Variants in RBFOX3 observed in about 807,000 individuals in gnomAD.
The protein encoded by RBFOX3 is RNA binding protein fox-1 homolog 3.
A neutral mutation model predicts 48.7 loss-of-function variants in RBFOX3; 17 were observed. That is an observed-to-expected ratio of 0.35 (90% CI 0.24 to 0.52). The LOEUF is 0.52. RBFOX3 is among the 20% of genes least tolerant of loss of function. The pLI, the probability that RBFOX3 is intolerant of heterozygous loss-of-function variation, is 0.94. For missense variants in RBFOX3, 382 were observed against 497.5 expected, an observed-to-expected ratio of 0.77 and a Z score of 2.21; for synonymous variants, 212 against 209.5, an observed-to-expected ratio of 1.01 and a Z score of -0.10.
At chr17:79,286,018 C>T (rs564896864) in intron 3 of RBFOX3, among the ~76,000 whole-genome samples, 108 of 152,290 alleles carry the variant, frequency 7.1e-4, no homozygotes, top group African/African-American at 2.4e-3. Context: ...GTACATCTGT[C>T]CTACACAGAA....
At position 79,475,280 on chromosome 17, in the gene RBFOX3, T is replaced by A. The variant is rs188210052; in HGVS notation, c.-175+7174A>T. The stretch of plus-strand genomic sequence containing the variant: ...CCAATGTCCACTCTTACAGCTCCAG[T>A]CATTCTGGCCTTGGTTTTACCGCTC... On this transcript the variant is annotated intron_variant, in intron 2 of 14. Coordinates refer to ENST00000693108, the MANE Select transcript of RBFOX3 (RefSeq NM_001350451.2). 5.5e-4 allele frequency among the ~76,000 whole-genome samples: 84 copies of A among 152,214 alleles called. 1 individual carries two copies. The highest frequency in any genetic ancestry group is 9.6e-4 in the Non-Finnish European group (65 of 68,016).
intron 1 of RBFOX3, among the ~76,000 whole-genome samples, chr17:79,567,179 TC>T (rs1229477121): frequency 0.042 from 5,327 of 127,668 alleles, 363 homozygotes; most frequent in Non-Finnish European, 0.066. Context: ...TTTCTTTCTT[TC>T]TTTTTTTTTT....
the RBFOX3 span, among the ~76,000 whole-genome samples, chr17:79,624,252 T>TC: frequency 1.3e-5 from 2 of 151,906 alleles, no homozygotes; most frequent in Non-Finnish European, 2.9e-5. Context: ...AGGCCTCATC[T>TC]CCTTCCCCGA....
intron 1 of RBFOX3, among the ~76,000 whole-genome samples, chr17:79,528,851 C>T (rs1051005202): frequency 0.085 from 12,870 of 152,154 alleles, 583 homozygotes; most frequent in Middle Eastern, 0.14. Context: ...AGGGGATGAC[C>T]GCCCAGCAGC....
intron 2 of RBFOX3, among the ~76,000 whole-genome samples, chr17:79,420,862 G>A (rs2066228096): frequency 6.6e-6 from 1 of 152,214 alleles, no homozygotes; most frequent in Admixed American, 6.5e-5. Context: ...AAGTAACAAT[G>A]TGATGTGGGG....
intron 1 of RBFOX3, among the ~76,000 whole-genome samples, chr17:79,483,588 T>A (rs1448001951): frequency 1.3e-5 from 2 of 148,260 alleles, no homozygotes; most frequent in Admixed American, 1.4e-4. Context: ...CCCCACGAAT[T>A]TCCCCCCAGG....
intron 3 of RBFOX3, among the ~76,000 whole-genome samples, chr17:79,260,390 C>G (rs929205599): frequency 1.3e-5 from 2 of 152,198 alleles, no homozygotes; most frequent in African/African-American, 4.8e-5. Flanking sequence ...CTGAGTGGAA[C>G]CCAGATGGGG....
At chr17:79,604,681 T>G (rs2093786825) in intron 1 of RBFOX3, among the ~76,000 whole-genome samples, 2 of 152,234 alleles carry the variant, frequency 1.3e-5, no homozygotes, top group Admixed American at 1.3e-4. Flanking sequence ...CTATGAAAGT[T>G]TAGTGAGAAA....
At chr17:79,181,627 G>A (rs2051961207) in intron 4 of RBFOX3, among the ~76,000 whole-genome samples, 2 of 46,020 alleles carry the variant, frequency 4.3e-5, no homozygotes, top group African/African-American at 1.5e-4. Flanking sequence ...GGCCACTGCC[G>A]GCCACCCTCT....
intron 3 of RBFOX3, among the ~76,000 whole-genome samples, chr17:79,240,160 T>G (rs1389448461): frequency 1.3e-5 from 2 of 152,248 alleles, no homozygotes; most frequent in Non-Finnish European, 2.9e-5. Flanking sequence ...TAACCCTAGC[T>G]GTCTTCTGTC....
At chr17:79,250,385 G>A (rs978168160) in intron 3 of RBFOX3, among the ~76,000 whole-genome samples, 5 of 152,206 alleles carry the variant, frequency 3.3e-5, no homozygotes, top group East Asian at 1.9e-4. Context: ...GACGGAACAC[G>A]ATAAATTGCG....
chr17:79,534,670 T>C (rs71387933), intron 1 of RBFOX3, among the ~76,000 whole-genome samples: 16,990 of 152,234 alleles, frequency 0.11, 1,406 homozygotes, highest in African/African-American at 0.24. Flanking sequence ...TGAATGGCCA[T>C]TGCCGTGCCA....
intron 2 of RBFOX3, among the ~76,000 whole-genome samples, chr17:79,427,349 G>A (rs555851568): frequency 6.6e-6 from 1 of 152,304 alleles, no homozygotes; most frequent in African/African-American, 2.4e-5. Flanking sequence ...GACCCTGTTG[G>A]TAGAAAGGTC....
chr17:79,370,828 T>A (rs895193399), intron 2 of RBFOX3, among the ~76,000 whole-genome samples: 11 of 151,776 alleles, frequency 7.2e-5, no homozygotes, highest in African/African-American at 2.7e-4. Flanking sequence ...ACAAGCTCAC[T>A]CACATATGCA....
chr17:79,645,854 A>G, the RBFOX3 span, among the ~76,000 whole-genome samples: 4 of 151,970 alleles, frequency 2.6e-5, no homozygotes, highest in Non-Finnish European at 5.9e-5. Context: ...ACCTTGAGAC[A>G]CCCCCATGGA....
chr17:79,515,014 T>A (rs1376471258), intron 1 of RBFOX3, among the ~76,000 whole-genome samples: 2 of 152,102 alleles, frequency 1.3e-5, no homozygotes, highest in African/African-American at 2.4e-5. Context: ...GGTGAGGGAA[T>A]TCTCCCGACT....
rs371733872 is a variant in RBFOX3, at chr17:79,362,072, G to A, written c.-174-54248C>T. Among the ~76,000 whole-genome samples, 2 of 152,252 alleles carry A rather than the reference G, an allele frequency of 1.3e-5. No homozygotes were observed. The highest frequency in any genetic ancestry group is 4.8e-5 in the African/African-American group (2 of 41,540). ...TGCGTATTTACTCAGTCATCAAAGC[G>A]CAAATGTGGTGGGTAACAGATCACT... On this transcript the variant is annotated intron_variant, in intron 2 of 14. Transcript: ENST00000693108. The surrounding 1 kb of genome is among the most constrained non-coding windows in gnomAD (Gnocchi z 4.2).
chr17:79,534,101 A>G (rs2088291894), intron 1 of RBFOX3, among the ~76,000 whole-genome samples: 1 of 152,276 alleles, frequency 6.6e-6, no homozygotes, highest in Non-Finnish European at 1.5e-5. Flanking sequence ...AGGAAATTTT[A>G]CAACACAGAA....
At chr17:79,156,551 C>T (rs1319454903) in intron 4 of RBFOX3, among the ~76,000 whole-genome samples, 2 of 152,214 alleles carry the variant, frequency 1.3e-5, no homozygotes, top group African/African-American at 4.8e-5. Flanking sequence ...TCCCCATGGT[C>T]AGCTAGACCA....
Sources: allele counts gnomAD v4.1 joint callset (sites outside exome capture counted in the v4.1 genomes callset), GRCh38; gene constraint gnomAD v4.1.1; non-coding constraint Gnocchi (gnomAD v3.1); transcripts MANE v1.5; gene names NCBI Gene and HGNC (gene_info 2026-07-23, HGNC 2026-07-21).